The following CDCA8 variants were observed in gnomAD, a reference collection of about 807,000 sequenced individuals.
The protein encoded by CDCA8 is borealin.
Under a neutral mutation model 40.0 loss-of-function variants are expected in CDCA8, and 25 were observed. The ratio of observed to expected loss-of-function variants is 0.63; its 90% confidence interval spans 0.46 to 0.87. The LOEUF (loss-of-function observed/expected upper bound fraction) is 0.87. CDCA8 is among the 40% of genes least tolerant of loss of function. CDCA8 has a pLI of 0.00. For synonymous variants in CDCA8, 111 were observed against 126.5 expected (o/e 0.88, Z 0.82); for missense variants, 280 against 348.4 (o/e 0.80, Z 1.56).
At chr1:37,694,361 C>G (rs1185622327) in intron 2 of CDCA8, among the ~76,000 whole-genome samples, 2 of 152,160 alleles carry the variant, frequency 1.3e-5, no homozygotes. Flanking sequence ...TTTGACTTGC[C>G]CTTTTATTTA....
At chr1:37,706,107 CTT>C (rs36029061) in intron 8 of CDCA8, among the ~76,000 whole-genome samples, 51,376 of 107,554 alleles carry the variant, frequency 0.48, 11,264 homozygotes, top group East Asian at 0.63. Context: ...CCGTGCCCAC[CTT>C]TTTTTTTTTT....
chr1:37,703,896 T>G lies in CDCA8; in HGVS notation c.584+549T>G, dbSNP rs75863233. Among the ~76,000 whole-genome samples the G allele has an allele frequency of 8.7e-3, 1,323 of 152,270 alleles. 17 individuals are homozygous for G. Among genetic ancestry groups the G allele is most frequent in the African/African-American group, 0.031 (1,268 of 41,556 alleles). On this transcript the variant is annotated intron_variant, in intron 7 of 9. Coordinates refer to ENST00000373055, the MANE Select transcript of CDCA8 (RefSeq NM_001256875.2). ...TTCTGCCTGTGATGACTAGGAGGCC[T>G]CTAGGTGACGTTTTTGGCCTTTTCT...
intron 3 of CDCA8, among the ~76,000 whole-genome samples, chr1:37,698,611 A>G (rs1021037160): frequency 2.0e-5 from 3 of 152,238 alleles, no homozygotes; most frequent in Non-Finnish European, 4.4e-5. Flanking sequence ...AAGCAAGTGC[A>G]ATGATATGGT....
In CDCA8 at chr1:37,708,760, G is replaced by T. The variant is rs1461526337; in HGVS notation, c.*394G>T. The stretch of plus-strand genomic sequence containing the variant: ...ACTGCCTCCACCACCGCTACCCAGA[G>T]AACCTCTGCATCTGGCATTTCTGCT... On this transcript the variant is annotated 3_prime_UTR_variant, in exon 10 of 10. Coordinates refer to ENST00000373055, the MANE Select transcript of CDCA8 (RefSeq NM_001256875.2). The T allele has an allele frequency of 3.5e-5, 10 of 284,198 alleles. No individual in the cohort carries two copies. The highest frequency in any genetic ancestry group is 6.9e-5 in the Non-Finnish European group (10 of 144,100). The allele number at this position is 284,198 out of a possible 1,614,324, so 17.6% of individuals were successfully genotyped here.
At position 37,696,012 on chromosome 1, in the gene CDCA8, C is replaced by A; in HGVS notation, c.264+62C>A. 1.4e-6 allele frequency: 2 copies of A among 1,396,078 alleles called. No individual in the cohort carries two copies. The highest frequency in any genetic ancestry group is 1.2e-5 in the South Asian group (1 of 85,380). 86.5% of individuals were successfully genotyped at this position (1,396,078 alleles called of 1,614,324 possible). A position where few individuals can be genotyped will look rare whatever the true frequency, so the allele number is the denominator to read the frequency against. The stretch of plus-strand genomic sequence containing the variant: ...TTAAGTCTAGTCCAGTCCCCAGATC[C>A]AACTAATAGATGCTTACTGTGGAAG... On this transcript the variant is annotated intron_variant, in intron 3 of 9. Transcript: ENST00000373055. This position sits in a 1 kb window ranked among gnomAD's most constrained non-coding sequence, Gnocchi z 5.0.
rs570183373 is a variant in CDCA8 at position 37,702,690 on chromosome 1, A to G, written c.489-562A>G. ...TCTGAGGCTGAGTGTGGTGTCTCAC[A>G]CCTGTAATCCCAGCACTTTGGGAGG... On this transcript the variant is annotated intron_variant, in intron 6 of 9. Coordinates refer to ENST00000373055, the MANE Select transcript of CDCA8 (RefSeq NM_001256875.2). 3.9e-5 allele frequency among the ~76,000 whole-genome samples: 6 copies of G among 152,200 alleles called. No individual in the cohort carries two copies. In the South Asian group the frequency reaches 1.0e-3, roughly 26 times the overall value.
At chr1:37,706,945 TG>T in intron 8 of CDCA8, 32 bp from the exon 9 acceptor site, 1 of 1,579,688 alleles carries the variant, frequency 6.3e-7, no homozygotes, top group Admixed American at 1.7e-5. Context: ...CTAAGGGCCA[TG>T]GCCAGTTTAA....
At chr1:37,700,167 G>A (rs1045664840) in intron 4 of CDCA8, among the ~76,000 whole-genome samples, 1 of 152,140 alleles carries the variant, frequency 6.6e-6, no homozygotes, top group Non-Finnish European at 1.5e-5. Context: ...GGATTTCGGG[G>A]CTACACACCA....
Position 37,695,897 on chromosome 1 carries a change from G to C in CDCA8, c.224-13G>C. The C allele has an allele frequency of 6.2e-7, 1 of 1,611,476 alleles. No individual in the cohort carries two copies. The highest frequency in any genetic ancestry group is 8.5e-7 in the Non-Finnish European group (1 of 1,177,678). Reference sequence around the variant, plus strand: ...GTTAAAATGTAATAGTAACTACAACGTTCTTTTTAAAGCCCTTGGAGGAAA... The same window carrying C: ...GTTAAAATGTAATAGTAACTACAACCTTCTTTTTAAAGCCCTTGGAGGAAA... On this transcript the variant is annotated splice_polypyrimidine_tract_variant and intron_variant, in intron 2 of 9. Transcript: ENST00000373055.
chr1:37,695,368 TAAAAAAAAAAAA>T (rs71690196), intron 2 of CDCA8, among the ~76,000 whole-genome samples: 1 of 76,464 alleles, frequency 1.3e-5, no homozygotes, highest in East Asian at 5.2e-4. Context: ...CATCTCTACT[TAAAAAAAAAAAA>T]AAAAAAAAAA....
Position 37,692,573 on chromosome 1 carries a change from C to A in CDCA8, c.-118C>A, listed in dbSNP as rs1438265816. ...GTTTTGCTCAGCCCTTGTCTCGGGA[C>A]CGCAGGTACGTGCCTGGCGACTTCT... On this transcript the variant is annotated 5_prime_UTR_variant, in exon 1 of 10. Coordinates refer to ENST00000373055, the MANE Select transcript of CDCA8 (RefSeq NM_001256875.2). 1.3e-5 allele frequency: 10 copies of A among 778,210 alleles called. No individual in the cohort carries two copies. The highest frequency in any genetic ancestry group is 2.2e-5 in the Non-Finnish European group (10 of 451,090). 48.2% of individuals were successfully genotyped at this position (778,210 alleles called of 1,614,324 possible).
chr1:37,701,457 A>C (rs1047011311), intron 5 of CDCA8, among the ~76,000 whole-genome samples: 1 of 152,176 alleles, frequency 6.6e-6, no homozygotes, highest in Non-Finnish European at 1.5e-5. Context: ...TGACCTTCAC[A>C]GCAGCCCTTT....
At position 37,696,496 on chromosome 1, in the gene CDCA8, TTCC is replaced by T. The variant is rs1645528002; in HGVS notation, c.264+549_264+551del. Reference sequence around the variant, plus strand: ...CAATTAATAAAATTAAAGAATTCATTTCCTCAGACATACTAGCCACATTTTACA... The same window carrying T: ...CAATTAATAAAATTAAAGAATTCATTTCAGACATACTAGCCACATTTTACA... On this transcript the variant is annotated intron_variant, in intron 3 of 9. Coordinates refer to ENST00000373055, the MANE Select transcript of CDCA8 (RefSeq NM_001256875.2). This position sits in a 1 kb window ranked among gnomAD's most constrained non-coding sequence, Gnocchi z 5.0. 6.6e-6 allele frequency among the ~76,000 whole-genome samples: 1 copy of T among 152,176 alleles called. No individual in the cohort carries two copies. Among genetic ancestry groups the T allele is most frequent in the Admixed American group, 6.5e-5 (1 of 15,282 alleles).
chr1:37,700,291 CTCTT>C (rs1447546970), intron 4 of CDCA8, 141 bp from the exon 5 acceptor site: 1 of 551,558 alleles, frequency 1.8e-6, no homozygotes, highest in African/African-American at 1.9e-5. Flanking sequence ...TGTCTAAACC[CTCTT>C]TCTTAAAAAG....
At chr1:37,693,438 G>GAGTGC (rs1421664388) in intron 2 of CDCA8, among the ~76,000 whole-genome samples, 27 of 152,086 alleles carry the variant, frequency 1.8e-4, no homozygotes, top group Admixed American at 4.6e-4. Context: ...ACCCAGGCTG[G>GAGTGC]AGTGCAGTGC....
chr1:37,700,425 G>A lies in CDCA8; in HGVS notation c.338-11G>A, dbSNP rs991295869. On this transcript the variant is annotated splice_polypyrimidine_tract_variant and intron_variant, in intron 4 of 9. Coordinates refer to ENST00000373055, the MANE Select transcript of CDCA8 (RefSeq NM_001256875.2). ...TCAGAAATACCACCCTGTTGAAACT[G>A]TTTCTTACAGCACGAAAGGTAATAC... 6.4e-7 allele frequency: 1 copy of A among 1,558,818 alleles called. No homozygotes were observed. The highest frequency in any genetic ancestry group is 8.8e-7 in the Non-Finnish European group (1 of 1,130,428).
chr1:37,700,651 A>G, intron 5 of CDCA8, 130 bp downstream of exon 5: 1 of 663,040 alleles, frequency 1.5e-6, no homozygotes, highest in Non-Finnish European at 2.8e-6. Flanking sequence ...GGCAATGACA[A>G]AAGAGATAAT....
chr1:37,703,648 G>A (rs1211954785), intron 7 of CDCA8, among the ~76,000 whole-genome samples: 2 of 152,160 alleles, frequency 1.3e-5, no homozygotes, highest in Non-Finnish European at 2.9e-5. Context: ...CCCAGGAGGT[G>A]GAGGTTGCAG....
rs965003733 is a variant in CDCA8, at chr1:37,701,759, A to C, written c.429A>C (p.Lys143Asn). Residue 143 changes from lysine (K) to asparagine (N), a missense_variant, in exon 6 of 10, where the codon AAA (lysine) becomes AAC (asparagine). Coordinates refer to ENST00000373055, the MANE Select transcript of CDCA8 (RefSeq NM_001256875.2). ...TCATTTGATTGTGACTGCAGGTCAAAAGGTGTCCTCCATCCAAGAAGAGAA... is the reference window on the plus strand; with the variant it reads ...TCATTTGATTGTGACTGCAGGTCAACAGGTGTCCTCCATCCAAGAAGAGAA... ...ERKNLQTARV[K>N]RCPPSKKRTQ... is the part of the protein sequence containing the mutation. 5.0e-6 allele frequency: 8 copies of C among 1,612,496 alleles called. No individual in the cohort carries two copies. The highest frequency in any genetic ancestry group is 5.1e-6 in the Non-Finnish European group (6 of 1,178,654).
Sources: gnomAD v4.1 joint callset for allele counts (sites outside exome capture counted in the v4.1 genomes callset) on GRCh38, gnomAD v4.1.1 for gene constraint, Gnocchi (gnomAD v3.1) non-coding constraint, MANE v1.5 for transcripts, NCBI Gene and HGNC (gene_info 2026-07-23, HGNC 2026-07-21) for gene names.